The following MYOM2 variants were observed in gnomAD, a reference collection of about 807,000 sequenced individuals.
MYOM2 encodes the protein myomesin 2, also known as myomesin-2.
In MYOM2, 254 loss-of-function variants were observed where a neutral mutation model predicts 187.6. The ratio of observed to expected loss-of-function variants is 1.35; its 90% CI spans 1.22 to 1.50. The LOEUF is 1.50. MYOM2 is among the 40% of genes most tolerant of loss of function. The pLI is 0.00. For missense variants in MYOM2, 2,796 were observed against 1,924.0 expected (o/e 1.45, Z -8.48); for synonymous variants, 981 against 753.8 (o/e 1.30, Z -4.94).
chr8:2,143,035 C>T (rs1425376890), intron 35 of MYOM2, among the ~76,000 whole-genome samples: 1 of 151,962 alleles, frequency 6.6e-6, no homozygotes, highest in Non-Finnish European at 1.5e-5. Context: ...GGATTACAGG[C>T]GTGAGCCACT....
rs1331853814 is a variant in MYOM2, at chr8:2,096,334, G to C, written c.2213G>C (p.Gly738Ala). ...GGCTGGAAGGTCCCGAAATTCAGTG[G>C]TGGCTCGCCCATCCTGGGCTACTAC... ...TLGWKVPKFSGGSPILGYYLD... is the reference protein window; with the variant it reads ...TLGWKVPKFSAGSPILGYYLD... The change falls in exon 18 of 37, where the codon GGT becomes GCT. Residue 738 changes from glycine to alanine, a missense_variant. Physicochemically the swap from Gly to Ala is moderately conservative, Grantham distance 60. Transcript: ENST00000262113. 6.2e-7 allele frequency: 1 copy of C among 1,614,096 alleles called. No homozygotes were observed. The highest frequency in any genetic ancestry group is 8.5e-7 in the Non-Finnish European group (1 of 1,180,038).
At chr8:2,045,989 G>A (rs968474176) in intron 1 of MYOM2, among the ~76,000 whole-genome samples, 1 of 152,198 alleles carries the variant, frequency 6.6e-6, no homozygotes. Context: ...AAGAAAGCGT[G>A]GAACAAAGAT....
intron 9 of MYOM2, among the ~76,000 whole-genome samples, chr8:2,072,766 T>G (rs1330480613): frequency 6.6e-6 from 1 of 152,220 alleles, no homozygotes. Flanking sequence ...ACAGAAAGAA[T>G]GATCTCGTGC....
chr8:2,123,570 C>T lies in MYOM2; in HGVS notation c.3583C>T (p.His1195Tyr), dbSNP rs778663820. Residue 1195 changes from histidine to tyrosine, a missense_variant, in exon 30 of 37, where the codon CAC (histidine) becomes TAC (tyrosine). Physicochemically the swap from His to Tyr is moderately conservative, Grantham distance 83 (BLOSUM62 2). Coordinates refer to ENST00000262113, the MANE Select transcript of MYOM2 (RefSeq NM_003970.4). ...LLIPKLSKKD[H>Y]GEYKATLKDD... is the part of the protein sequence containing the mutation. ...TTCTTTGTAGTTGTCAAAGAAGGACCACGGTGAATACAAGGCAACCTTGAA... is the reference window on the plus strand; with the variant it reads ...TTCTTTGTAGTTGTCAAAGAAGGACTACGGTGAATACAAGGCAACCTTGAA... 6.8e-6 allele frequency: 11 copies of T among 1,613,836 alleles called. No homozygotes were observed. The highest frequency in any genetic ancestry group is 3.3e-5 in the Admixed American group (2 of 59,992).
At chr8:2,120,049 A>G (rs553419037) in intron 28 of MYOM2, among the ~76,000 whole-genome samples, 129 of 152,286 alleles carry the variant, frequency 8.5e-4, no homozygotes, top group Non-Finnish European at 1.8e-3. Context: ...GAAGGAGGCA[A>G]GACAGCAGCT....
At chr8:2,062,694 AC>A (rs1371647944) in intron 6 of MYOM2, among the ~76,000 whole-genome samples, 1 of 151,974 alleles carries the variant, frequency 6.6e-6, no homozygotes, top group Non-Finnish European at 1.5e-5. Context: ...GAAAGAGACC[AC>A]CTGCCTTCAT....
At chr8:2,089,344 A>T (rs1160940799) in intron 14 of MYOM2, among the ~76,000 whole-genome samples, 2 of 151,410 alleles carry the variant, frequency 1.3e-5, no homozygotes, top group East Asian at 3.9e-4. Context: ...CCACCATATA[A>T]AATAGCCACA....
chr8:2,060,670 G>A (rs776597759), intron 6 of MYOM2, among the ~76,000 whole-genome samples: 1 of 152,212 alleles, frequency 6.6e-6, no homozygotes, highest in Admixed American at 6.5e-5. Flanking sequence ...GAGCTCAGGA[G>A]GGTGAACACA....
chr8:2,061,490 G>A (rs770263353), intron 6 of MYOM2, among the ~76,000 whole-genome samples: 1 of 152,070 alleles, frequency 6.6e-6, no homozygotes, highest in Non-Finnish European at 1.5e-5. Flanking sequence ...TCCTGTTCCC[G>A]ACTCTACCTG....
Position 2,145,124 on chromosome 8 carries a change from C to A in MYOM2, c.*143C>A. 4.5e-6 allele frequency: 4 copies of A among 890,910 alleles called. No individual in the cohort carries two copies. The highest frequency in any genetic ancestry group is 2.9e-5 in the Admixed American group (1 of 34,468). The allele number at this position is 890,910 out of a possible 1,614,324, so 55.2% of individuals were successfully genotyped here. ...TCACACATTGTGCTTTTGATTTTTG[C>A]ATTTGGTGATGAATATTTTATACCC... On this transcript the variant is annotated 3_prime_UTR_variant, in exon 37 of 37. Transcript: ENST00000262113.
At chr8:2,117,194 TTTAC>T (rs1430165287) in intron 27 of MYOM2, among the ~76,000 whole-genome samples, 6 of 152,242 alleles carry the variant, frequency 3.9e-5, no homozygotes, top group South Asian at 2.1e-4. Flanking sequence ...TCACAAATAT[TTTAC>T]TTACTTCTAC....
At chr8:2,081,735 G>C (rs932486362) in intron 13 of MYOM2, 1 of 152,868 alleles carries the variant, frequency 6.5e-6, no homozygotes, top group Admixed American at 6.5e-5. Flanking sequence ...AGACATGATT[G>C]TGGTGGGGTA....
At chr8:2,110,430 A>C (rs1371733313) in intron 25 of MYOM2, among the ~76,000 whole-genome samples, 3 of 152,102 alleles carry the variant, frequency 2.0e-5, no homozygotes, top group Non-Finnish European at 4.4e-5. Context: ...GGTACTCCTT[A>C]TTTGTCTGGA....
At chr8:2,064,754 C>T (rs570859631) in intron 6 of MYOM2, among the ~76,000 whole-genome samples, 1 of 152,322 alleles carries the variant, frequency 6.6e-6, no homozygotes, top group South Asian at 2.1e-4. Context: ...GCCTGGGGAA[C>T]ACATCTCCCT....
chr8:2,059,715 T>C (rs1297750736), intron 6 of MYOM2, among the ~76,000 whole-genome samples: 1 of 151,926 alleles, frequency 6.6e-6, no homozygotes, highest in African/African-American at 2.4e-5. Context: ...TAGCTGGCAT[T>C]TCTTTTTTCC....
chr8:2,143,859 A>G lies in MYOM2; in HGVS notation c.4080+403A>G, dbSNP rs74407946. On this transcript the variant is annotated intron_variant, in intron 36 of 36. Transcript: ENST00000262113. ...TGCAAGCCCCCTGCTTCCAGTGTGA[A>G]ACAGCACAGCTTTTACAACACGAAG... Among the ~76,000 whole-genome samples, 514 of 152,288 alleles carry G rather than the reference A, an allele frequency of 3.4e-3. 3 individuals are homozygous for G. Among genetic ancestry groups the G allele is most frequent in the African/African-American group, 0.012 (488 of 41,568 alleles).
intron 14 of MYOM2, among the ~76,000 whole-genome samples, chr8:2,087,817 C>A (rs563048755): frequency 6.6e-6 from 1 of 152,210 alleles, no homozygotes; most frequent in South Asian, 2.1e-4. Context: ...GACGAGGTCT[C>A]GCCATGTTGC....
At chr8:2,068,765 C>A (rs560672168) in intron 6 of MYOM2, among the ~76,000 whole-genome samples, 1 of 152,316 alleles carries the variant, frequency 6.6e-6, no homozygotes, top group South Asian at 2.1e-4. Flanking sequence ...GAATGGACCC[C>A]CCCGCCATGG....
chr8:2,109,326 C>A lies in MYOM2; in HGVS notation c.3044-69C>A, dbSNP rs541465543. On this transcript the variant is annotated intron_variant, in intron 24 of 36. Transcript: ENST00000262113. The stretch of plus-strand genomic sequence containing the variant: ...AATAACTAGGATTGATATTTCCCTA[C>A]AATTTGCAGGTATTCTTCCTCACAA... 29 of 1,468,914 alleles carry A rather than the reference C, an allele frequency of 2.0e-5. 1 individual carries two copies. In the African/African-American group the frequency reaches 3.9e-4, roughly 20 times the overall value. The allele number at this position is 1,468,914 out of a possible 1,614,324, so 91.0% of individuals were successfully genotyped here.
Sources: gnomAD v4.1 joint callset for allele counts (sites outside exome capture counted in the v4.1 genomes callset) on GRCh38, gnomAD v4.1.1 for gene constraint, MANE v1.5 for transcripts, NCBI Gene and HGNC (gene_info 2026-07-23, HGNC 2026-07-21) for gene names.